The following PTPRE variants were observed in gnomAD, a reference collection of about 807,000 sequenced individuals.
PTPRE encodes receptor-type tyrosine-protein phosphatase epsilon.
Under a neutral mutation model 102.0 loss-of-function variants are expected in PTPRE, and 51 were observed. That is an observed-to-expected ratio of 0.50 (90% CI 0.40 to 0.63). The LOEUF (loss-of-function observed/expected upper bound fraction) is 0.63. Ranked by LOEUF, PTPRE falls within the 30% of genes least tolerant of loss-of-function variation. PTPRE has a pLI of 0.00. For missense variants in PTPRE, 752 were observed against 915.1 expected, an observed-to-expected ratio of 0.82 and a Z score of 2.30; for synonymous variants, 345 against 348.2, an observed-to-expected ratio of 0.99 and a Z score of 0.10.
intron 2 of PTPRE, among the ~76,000 whole-genome samples, chr10:128,010,590 T>TCTTTTCTTTC (rs1004427789): frequency 2.0e-5 from 3 of 149,902 alleles, no homozygotes; most frequent in East Asian, 3.9e-4. Flanking sequence ...TCTTTTCTTT[T>TCTTTTCTTTC]CTTTCCTTTT....
intron 1 of PTPRE, among the ~76,000 whole-genome samples, chr10:127,932,824 C>T (rs1162243851): frequency 6.6e-6 from 1 of 152,204 alleles, no homozygotes; most frequent in South Asian, 2.1e-4. Context: ...TCCAGAGGCT[C>T]AGGATGAATT....
chr10:128,005,412 A>G (rs1470673821), intron 2 of PTPRE, among the ~76,000 whole-genome samples: 4 of 152,222 alleles, frequency 2.6e-5, no homozygotes, highest in Non-Finnish European at 5.9e-5. Flanking sequence ...TTTCACAAAG[A>G]GAGAACAGGC....
intron 6 of PTPRE, among the ~76,000 whole-genome samples, chr10:128,051,781 G>T (rs1444074735): frequency 6.6e-6 from 1 of 152,240 alleles, no homozygotes; most frequent in African/African-American, 2.4e-5. Flanking sequence ...TGGAGGGGAA[G>T]AACACTGGAC....
chr10:128,000,630 C>G (rs1022264430), intron 2 of PTPRE, among the ~76,000 whole-genome samples: 7 of 152,182 alleles, frequency 4.6e-5, no homozygotes, highest in Non-Finnish European at 1.0e-4. Flanking sequence ...TATAGCTCAC[C>G]TATGAATTGG....
At chr10:127,963,791 T>A (rs995662117) in intron 1 of PTPRE, among the ~76,000 whole-genome samples, 3 of 152,208 alleles carry the variant, frequency 2.0e-5, no homozygotes, top group African/African-American at 4.8e-5. Flanking sequence ...ATCCTGGTGC[T>A]GAGCACAGCT....
chr10:127,913,117 G>C (rs555124722), intron 1 of PTPRE, among the ~76,000 whole-genome samples: 3 of 152,280 alleles, frequency 2.0e-5, no homozygotes, highest in East Asian at 3.9e-4. Context: ...TGGGGAGCAT[G>C]ATGCCGCCAA....
intron 7 of PTPRE, among the ~76,000 whole-genome samples, chr10:128,056,764 G>A (rs576602651): frequency 2.9e-4 from 44 of 152,208 alleles, no homozygotes; most frequent in African/African-American, 9.9e-4. Flanking sequence ...GCTGGGGAGC[G>A]TGGGTGCCAG....
At chr10:128,067,278 A>G (rs1850291309) in intron 11 of PTPRE, among the ~76,000 whole-genome samples, 1 of 150,732 alleles carries the variant, frequency 6.6e-6, no homozygotes, top group African/African-American at 2.5e-5. Flanking sequence ...GTGCACACAC[A>G]CGCACCCACA....
In PTPRE at chr10:127,993,931, C is replaced by T. The variant is rs546596899; in HGVS notation, c.-8+11635C>T. Among the ~76,000 whole-genome samples the T allele has an allele frequency of 2.6e-5, 4 of 152,156 alleles. No homozygotes were observed. In the South Asian group the frequency reaches 6.2e-4, roughly 24 times the overall value. On this transcript the variant is annotated intron_variant, in intron 2 of 20. Coordinates refer to ENST00000254667, the MANE Select transcript of PTPRE (RefSeq NM_006504.6). ...AGTTGGGGGAGTCTCAGTTGCTGGTCGGGGCAGGAAGTGGACAGTCAAGAA... is the reference window on the plus strand; with the variant it reads ...AGTTGGGGGAGTCTCAGTTGCTGGTTGGGGCAGGAAGTGGACAGTCAAGAA...
chr10:128,079,335 A>G (rs915011840), intron 19 of PTPRE, among the ~76,000 whole-genome samples: 2 of 152,228 alleles, frequency 1.3e-5, no homozygotes, highest in Non-Finnish European at 1.5e-5. Flanking sequence ...TTTATAAAAT[A>G]TCGGTCTCCT....
intron 2 of PTPRE, among the ~76,000 whole-genome samples, chr10:128,029,758 C>T (rs1451316495): frequency 2.0e-5 from 3 of 152,238 alleles, no homozygotes. Flanking sequence ...CTGAGACGGA[C>T]TGTAAGCCCA....
intron 1 of PTPRE, among the ~76,000 whole-genome samples, chr10:127,974,125 T>C (rs986879728): frequency 3.3e-5 from 5 of 152,188 alleles, no homozygotes; most frequent in Non-Finnish European, 5.9e-5. Context: ...TGCAGCCCCC[T>C]TGTGGCTTCA....
chr10:127,999,814 A>G (rs1853681793), intron 2 of PTPRE: 2 of 985,382 alleles, frequency 2.0e-6, no homozygotes, highest in Non-Finnish European at 1.2e-6. Context: ...GGAAAATTAC[A>G]AAGGGAATAC....
intron 2 of PTPRE, among the ~76,000 whole-genome samples, chr10:128,038,831 G>A (rs898074504): frequency 1.3e-5 from 2 of 152,004 alleles, no homozygotes; most frequent in Non-Finnish European, 2.9e-5. Context: ...TAAAAAATGG[G>A]GACAGACCCG....
chr10:128,012,888 C>T (rs1470428176), intron 2 of PTPRE, among the ~76,000 whole-genome samples: 1 of 152,166 alleles, frequency 6.6e-6, no homozygotes, highest in Non-Finnish European at 1.5e-5. Flanking sequence ...GGCCTCCTTC[C>T]CTGCTCTGTA....
chr10:128,049,539 G>A lies in PTPRE; in HGVS notation c.293G>A (p.Arg98Lys). ...NGILEEQEQQ[R>K]VMLLSRSPSG... Reference sequence around the variant, plus strand: ...TCTTTTGATCCCACAGAGCAGCAAAGGGTGATGCTGCTCAGCAGGTCACCC... The same window carrying A: ...TCTTTTGATCCCACAGAGCAGCAAAAGGTGATGCTGCTCAGCAGGTCACCC... Residue 98 changes from arginine to lysine, a missense_variant, in exon 6 of 21, where the codon AGG becomes AAG. By Grantham distance (26) the Arg-to-Lys change is conservative. Transcript: ENST00000254667. The A allele has an allele frequency of 6.2e-7, 1 of 1,613,924 alleles. No individual in the cohort carries two copies. The highest frequency in any genetic ancestry group is 1.1e-5 in the South Asian group (1 of 91,074).
intron 1 of PTPRE, among the ~76,000 whole-genome samples, chr10:127,952,765 C>T (rs1303505465): frequency 6.6e-6 from 1 of 152,166 alleles, no homozygotes; most frequent in African/African-American, 2.4e-5. Context: ...CTCACTTTTG[C>T]TATTCCTTGG....
At chr10:128,044,160 A>G (rs1233766008) in intron 3 of PTPRE, among the ~76,000 whole-genome samples, 2 of 152,240 alleles carry the variant, frequency 1.3e-5, no homozygotes, top group African/African-American at 2.4e-5. Flanking sequence ...TAACTCTGGC[A>G]AAGAGAACAG....
intron 2 of PTPRE, among the ~76,000 whole-genome samples, chr10:128,014,854 C>T (rs1437939095): frequency 1.3e-5 from 2 of 151,962 alleles, no homozygotes; most frequent in East Asian, 1.9e-4. Context: ...GAACTGCAGC[C>T]CCAGGCTGGT....
Sources: allele counts gnomAD v4.1 joint callset (sites outside exome capture counted in the v4.1 genomes callset), GRCh38; gene constraint gnomAD v4.1.1; transcripts MANE v1.5; gene names NCBI Gene and HGNC (gene_info 2026-07-23, HGNC 2026-07-21).